The following CTBP1 variants were observed in gnomAD, a reference collection of about 807,000 sequenced individuals.
CTBP1 encodes the protein C-terminal-binding protein 1.
A neutral mutation model predicts 42.1 loss-of-function variants in CTBP1; 11 were observed. The ratio of observed to expected loss-of-function variants is 0.26; its 90% CI spans 0.16 to 0.43. The LOEUF (loss-of-function observed/expected upper bound fraction) is 0.43. Ranked by LOEUF, CTBP1 falls within the 20% of genes least tolerant of loss-of-function variation. The pLI is 1.00. For missense variants in CTBP1, 399 were observed against 624.3 expected, an observed-to-expected ratio of 0.64 and a Z score of 3.85; for synonymous variants, 324 against 277.1, an observed-to-expected ratio of 1.17 and a Z score of -1.68.
chr4:1,248,646 G>A (rs1214113164), intron 1 of CTBP1: 11 of 980,740 alleles, frequency 1.1e-5, no homozygotes, highest in African/African-American at 7.0e-5. Context: ...AGGCCCACAG[G>A]CCCTTTTGTG....
chr4:1,214,497 G>A (rs1165078165), intron 6 of CTBP1, 24 bp from the exon 7 acceptor site: 13 of 1,552,078 alleles, frequency 8.4e-6, no homozygotes, highest in African/African-American at 1.4e-5. Context: ...GGACAGGCCA[G>A]GCCCAGTCAG....
chr4:1,213,669 G>A (rs1728783234), intron 7 of CTBP1, 64 bp from the exon 8 acceptor site: 2 of 1,567,230 alleles, frequency 1.3e-6, no homozygotes, highest in South Asian at 2.3e-5. Flanking sequence ...GAGGGGAGGT[G>A]GCTGGGCACT....
intron 5 of CTBP1, 117 bp downstream of exon 5, chr4:1,225,243 G>A (rs1730202304): frequency 4.0e-6 from 5 of 1,238,434 alleles, no homozygotes; most frequent in Admixed American, 4.7e-5. Flanking sequence ...GTCCTGGGTT[G>A]GGACCGACAC....
At chr4:1,243,906 C>T (rs914956059) in intron 1 of CTBP1, 2 of 985,480 alleles carry the variant, frequency 2.0e-6, no homozygotes, top group Non-Finnish European at 2.4e-6. Flanking sequence ...CCTGCAGACG[C>T]TTAACCTCAT....
At position 1,223,605 on chromosome 4, in the gene CTBP1, G is replaced by A. The variant is rs530481976; in HGVS notation, c.514+1755C>T. The A allele has an allele frequency of 8.7e-5, 36 of 411,950 alleles. 1 individual carries two copies. The highest frequency in any genetic ancestry group is 4.9e-4 in the Middle Eastern group (1 of 2,036). 25.5% of individuals were successfully genotyped at this position (411,950 alleles called of 1,614,324 possible). ...CCCCATGGGGCCTCCTGAGGAACCC[G>A]CGATCTGGGGAGACAGGCAGCTGGG... On this transcript the variant is annotated intron_variant, in intron 5 of 9. Coordinates refer to ENST00000382952, the MANE Select transcript of CTBP1 (RefSeq NM_001012614.2).
rs866453580 is a variant in CTBP1 at position 1,244,147 on chromosome 4, A to G, written c.-188-2628T>C. The G allele has an allele frequency of 4.1e-6, 4 of 985,036 alleles. No homozygotes were observed. In the African/African-American group the frequency reaches 7.0e-5, roughly 17 times the overall value. 61.0% of individuals were successfully genotyped at this position (985,036 alleles called of 1,614,324 possible). A position where few individuals can be genotyped will look rare whatever the true frequency, so the allele number is the denominator to read the frequency against. Reference sequence around the variant, plus strand: ...CCCAGAGCCTCCTGGCCACATGTCAACGCCCTGTCTCTGGATGCACATCAC... The same window carrying G: ...CCCAGAGCCTCCTGGCCACATGTCAGCGCCCTGTCTCTGGATGCACATCAC... On this transcript the variant is annotated intron_variant, in intron 1 of 9. Coordinates refer to ENST00000382952, the MANE Select transcript of CTBP1 (RefSeq NM_001012614.2).
At chr4:1,232,439 G>A (rs1440880247) in intron 3 of CTBP1, among the ~76,000 whole-genome samples, 1 of 152,044 alleles carries the variant, frequency 6.6e-6, no homozygotes, top group South Asian at 2.1e-4. Context: ...AGCCTCCTGA[G>A]TATCTTGGAC....
intron 1 of CTBP1, chr4:1,245,452 A>G (rs1732617906): frequency 5.1e-6 from 5 of 985,274 alleles, no homozygotes. Flanking sequence ...TCTACACACG[A>G]CACCACTGGA....
chr4:1,234,773 G>A (rs1731313279), intron 3 of CTBP1: 1 of 152,152 alleles, frequency 6.6e-6, no homozygotes, highest in African/African-American at 2.4e-5. Flanking sequence ...CTAACAAAGG[G>A]CACTGTCCAA....
rs1038126050 is a variant in CTBP1 at position 1,238,511 on chromosome 4, G to C, written c.8-174C>G. On this transcript the variant is annotated intron_variant, in intron 2 of 9. Transcript: ENST00000382952. This position sits in a 1 kb window ranked among gnomAD's most constrained non-coding sequence, Gnocchi z 5.9. Reference sequence around the variant, plus strand: ...TAAAAATCCACGTGAAAGACAACTCGTGTGTGCCTCAGCTCGCTGACTCAA... The same window carrying C: ...TAAAAATCCACGTGAAAGACAACTCCTGTGTGCCTCAGCTCGCTGACTCAA... Among the ~76,000 whole-genome samples the C allele has an allele frequency of 2.6e-5, 4 of 151,964 alleles. No homozygotes were observed. In the East Asian group the frequency reaches 7.7e-4, roughly 29 times the overall value.
intron 1 of CTBP1, chr4:1,242,627 G>A: frequency 1.0e-6 from 1 of 985,406 alleles, no homozygotes; most frequent in Non-Finnish European, 1.2e-6. Context: ...CCCATCCAGG[G>A]TCCCCAACAC....
chr4:1,243,224 T>C lies in CTBP1; in HGVS notation c.-188-1705A>G, dbSNP rs1732366336. On this transcript the variant is annotated intron_variant, in intron 1 of 9. Coordinates refer to ENST00000382952, the MANE Select transcript of CTBP1 (RefSeq NM_001012614.2). ...CCATCAATGCTGCTCAATGCTTATC[T>C]ATACTGGCCAGTACGTGCCCACACC... 8.1e-6 allele frequency: 8 copies of C among 985,428 alleles called. No individual in the cohort carries two copies. The South Asian group carries it at 2.8e-4, about 35-fold the overall frequency. The allele number at this position is 985,428 out of a possible 1,614,324, so 61.0% of individuals were successfully genotyped here.
At chr4:1,243,762 A>G (rs993634777) in intron 1 of CTBP1, 1 of 985,420 alleles carries the variant, frequency 1.0e-6, no homozygotes, top group South Asian at 4.7e-5. Flanking sequence ...ACACACTCCG[A>G]GGTGAAGGCA....
Position 1,238,437 on chromosome 4 carries a change from C to CCACTCCACGCCACCCACTGTGCACGG in CTBP1, c.8-101_8-100insCCGTGCACAGTGGGTGGCGTGGAGTG. The CCACTCCACGCCACCCACTGTGCACGG allele has an allele frequency of 7.2e-7, 1 of 1,388,742 alleles. No homozygotes were observed. Among genetic ancestry groups the CCACTCCACGCCACCCACTGTGCACGG allele is most frequent in the Non-Finnish European group, 9.6e-7 (1 of 1,042,552 alleles). 86.0% of individuals were successfully genotyped at this position (1,388,742 alleles called of 1,614,324 possible). A position where few individuals can be genotyped will look rare whatever the true frequency, so the allele number is the denominator to read the frequency against. ...TGTGCACGGGCCAACGAGGGCCGAC[C>CCACTCCACGCCACCCACTGTGCACGG]GCCGGGGGTTTTCTGGTCTATATGT... On this transcript the variant is annotated intron_variant, in intron 2 of 9. Coordinates refer to ENST00000382952, the MANE Select transcript of CTBP1 (RefSeq NM_001012614.2). The surrounding 1 kb of genome is among the most constrained non-coding windows in gnomAD (Gnocchi z 5.9).
intron 1 of CTBP1, chr4:1,241,726 G>T: frequency 8.3e-7 from 1 of 1,207,970 alleles, no homozygotes; most frequent in Non-Finnish European, 1.0e-6. Context: ...CCCTGAGGTT[G>T]CAGTGCCAGG....
At chr4:1,241,274 A>G in intron 2 of CTBP1, 51 bp downstream of exon 2, 1 of 787,308 alleles carries the variant, frequency 1.3e-6, no homozygotes, top group Non-Finnish European at 2.4e-6. Flanking sequence ...CACGGTCGCA[A>G]AGAGACCGGC....
At position 1,238,135 on chromosome 4, in the gene CTBP1, C is replaced by A; in HGVS notation, c.162+48G>T. The A allele has an allele frequency of 6.2e-7, 1 of 1,610,358 alleles. No homozygotes were observed. Among genetic ancestry groups the A allele is most frequent in the Non-Finnish European group, 8.5e-7 (1 of 1,178,312 alleles). On this transcript the variant is annotated intron_variant, in intron 3 of 9. Coordinates refer to ENST00000382952, the MANE Select transcript of CTBP1 (RefSeq NM_001012614.2). The surrounding 1 kb of genome is among the most constrained non-coding windows in gnomAD (Gnocchi z 5.9). ...CTGCCGTGCTCCCGTCCCTCCAACT[C>A]CCCCCAACGTGCGGTTCTGCCAGCC...
chr4:1,223,614 G>C (rs988857564), intron 5 of CTBP1: 7 of 403,562 alleles, frequency 1.7e-5, no homozygotes, highest in Non-Finnish European at 3.5e-5. Flanking sequence ...CGCGATCTGG[G>C]GAGACAGGCA....
intron 2 of CTBP1, among the ~76,000 whole-genome samples, chr4:1,239,398 C>T (rs1036487925): frequency 3.3e-5 from 5 of 152,182 alleles, no homozygotes; most frequent in Admixed American, 6.5e-5. Flanking sequence ...TACCCAGGAC[C>T]GTTCGGCCAG....
Sources: allele counts gnomAD v4.1 joint callset (sites outside exome capture counted in the v4.1 genomes callset), GRCh38; gene constraint gnomAD v4.1.1; non-coding constraint Gnocchi (gnomAD v3.1); transcripts MANE v1.5; gene names NCBI Gene and HGNC (gene_info 2026-07-23, HGNC 2026-07-21).